The following RPSA2 variants were observed in gnomAD, a reference collection of about 807,000 sequenced individuals.
The protein encoded by RPSA2 is ribosomal protein SA 2.
chr19:23,809,308 C>G, the RPSA2 span: 1 of 150,266 alleles, frequency 6.7e-6, no homozygotes, highest in Non-Finnish European at 1.5e-5. Context: ...TGATGTCCTT[C>G]TGCTTTGTTC....
chr19:23,869,969 G>A, the RPSA2 span, among the ~76,000 whole-genome samples: 2 of 152,176 alleles, frequency 1.3e-5, no homozygotes, highest in Non-Finnish European at 2.9e-5. Flanking sequence ...AATCTTGCTG[G>A]TTATATCACT....
chr19:23,804,534 A>T, the RPSA2 span, among the ~76,000 whole-genome samples: 1 of 151,584 alleles, frequency 6.6e-6, no homozygotes, highest in Admixed American at 6.6e-5. Context: ...TGACCTCGTG[A>T]TCCACCTGTC....
At chr19:23,834,643 A>G in the RPSA2 span, among the ~76,000 whole-genome samples, 148,761 of 152,100 alleles carry the variant, frequency 0.98, 72,842 homozygotes, top group Middle Eastern at 1. Flanking sequence ...AATACTATAC[A>G]GCATATTTTT....
the RPSA2 span, chr19:23,827,628 A>G: frequency 4.4e-6 from 7 of 1,593,816 alleles, 1 homozygote; most frequent in Admixed American, 1.0e-4. Flanking sequence ...CCTCTGCGCT[A>G]TGTGGACATT....
chr19:23,870,747 C>T, the RPSA2 span, among the ~76,000 whole-genome samples: 4 of 152,142 alleles, frequency 2.6e-5, no homozygotes, highest in Non-Finnish European at 5.9e-5. Flanking sequence ...AATAAAGCTG[C>T]CCAACCTGGC....
chr19:23,843,671 T>A, the RPSA2 span, among the ~76,000 whole-genome samples: 19 of 152,356 alleles, frequency 1.2e-4, no homozygotes, highest in African/African-American at 3.4e-4. Flanking sequence ...AGAGCAGTGG[T>A]GATATTAAGA....
At chr19:23,770,450 A>T in the RPSA2 span, among the ~76,000 whole-genome samples, 1 of 152,126 alleles carries the variant, frequency 6.6e-6, no homozygotes, top group Non-Finnish European at 1.5e-5. Flanking sequence ...AGGTGATGTG[A>T]CCCTTTTATT....
At chr19:23,779,039 C>T in the RPSA2 span, among the ~76,000 whole-genome samples, 9 of 115,026 alleles carry the variant, frequency 7.8e-5, no homozygotes, top group East Asian at 2.8e-4. Flanking sequence ...CTCGCTCTGT[C>T]GCCCAGGCTG....
the RPSA2 span, among the ~76,000 whole-genome samples, chr19:23,866,234 G>A: frequency 6.6e-6 from 1 of 152,184 alleles, no homozygotes; most frequent in Admixed American, 6.5e-5. Flanking sequence ...GGGATCACAG[G>A]AGCCTTATGC....
the RPSA2 span, among the ~76,000 whole-genome samples, chr19:23,828,324 T>C: frequency 5.2e-5 from 2 of 38,774 alleles, no homozygotes; most frequent in African/African-American, 1.7e-4. Flanking sequence ...TCTTTCTTTC[T>C]TTTTTTTTTT....
At chr19:23,843,574 A>G in the RPSA2 span, among the ~76,000 whole-genome samples, 2 of 152,198 alleles carry the variant, frequency 1.3e-5, no homozygotes, top group African/African-American at 4.8e-5. Flanking sequence ...CTTTGGGGCA[A>G]TATGAGAATA....
the RPSA2 span, among the ~76,000 whole-genome samples, chr19:23,842,301 A>G: frequency 6.6e-6 from 1 of 152,328 alleles, no homozygotes; most frequent in African/African-American, 2.4e-5. Flanking sequence ...TTTATGCCAT[A>G]AGTTCTATGC....
chr19:23,761,084 A>ATG, the RPSA2 span, among the ~76,000 whole-genome samples: 12 of 76,168 alleles, frequency 1.6e-4, no homozygotes, highest in Non-Finnish European at 2.3e-4. Flanking sequence ...GTGTGTATAT[A>ATG]TATATGTGTG....
the RPSA2 span, among the ~76,000 whole-genome samples, chr19:23,824,962 T>C: frequency 6.6e-6 from 1 of 151,864 alleles, no homozygotes; most frequent in African/African-American, 2.4e-5. Context: ...AAGTTGTTTG[T>C]TTTGTTTTGT....
the RPSA2 span, among the ~76,000 whole-genome samples, chr19:23,761,927 T>TCTCTCTCTCTCTCTCTCTCTTTCTCTCTC: frequency 4.8e-5 from 3 of 62,392 alleles, no homozygotes; most frequent in Middle Eastern, 6.2e-3. Context: ...TTTCTTTTTT[T>TCTCTCTCTCTCTCTCTCTCTTTCTCTCTC]TTTTTTTTGA....
At chr19:23,809,152 A>G in the RPSA2 span, 1,104 of 152,762 alleles carry the variant, frequency 7.2e-3, 6 homozygotes, top group Non-Finnish European at 0.011. Flanking sequence ...ATGTTAAACT[A>G]TTTTTTAAGT....
At chr19:23,866,810 A>G in the RPSA2 span, among the ~76,000 whole-genome samples, 312 of 152,296 alleles carry the variant, frequency 2.0e-3, no homozygotes, top group African/African-American at 7.2e-3. Flanking sequence ...GTTGGAGAAG[A>G]CAAACCTTCC....
chr19:23,857,715 T>A, the RPSA2 span, among the ~76,000 whole-genome samples: 2 of 152,064 alleles, frequency 1.3e-5, no homozygotes, highest in Non-Finnish European at 2.9e-5. Flanking sequence ...CAGGCTGGTC[T>A]CGAACTGCTG....
At chr19:23,785,906 T>C in the RPSA2 span, among the ~76,000 whole-genome samples, 2 of 152,180 alleles carry the variant, frequency 1.3e-5, no homozygotes. Context: ...TCTTGTATAC[T>C]ATACACATCT....
Sources: gnomAD v4.1 joint callset for allele counts (sites outside exome capture counted in the v4.1 genomes callset) on GRCh38, gnomAD v4.1.1 for gene constraint, MANE v1.5 for transcripts, NCBI Gene and HGNC (gene_info 2026-07-23, HGNC 2026-07-21) for gene names.